Variants in SLC25A21 observed in about 807,000 individuals in gnomAD.
SLC25A21 encodes the protein mitochondrial 2-oxodicarboxylate carrier.
SLC25A21 carries 47 observed loss-of-function variants against 43.8 expected under a neutral mutation model. The ratio of observed to expected loss-of-function variants is 1.07; its 90% confidence interval spans 0.85 to 1.37. SLC25A21 has a LOEUF of 1.37. Ranked by LOEUF, SLC25A21 falls within the 40% of genes most tolerant of loss-of-function variation. The pLI, the probability that SLC25A21 is intolerant of heterozygous loss-of-function variation, is 0.00. For missense variants in SLC25A21, 352 were observed against 350.2 expected (o/e 1.00, Z -0.04); for synonymous variants, 131 against 121.3 (o/e 1.08, Z -0.52).
chr14:36,731,390 G>A (rs150753634), intron 4 of SLC25A21, among the ~76,000 whole-genome samples: 243 of 152,302 alleles, frequency 1.6e-3, no homozygotes, highest in Middle Eastern at 6.8e-3. Context: ...AGCTGTGAAA[G>A]CACAGGAAAG....
chr14:37,126,590 A>G (rs1963301703), intron 1 of SLC25A21, among the ~76,000 whole-genome samples: 1 of 152,136 alleles, frequency 6.6e-6, no homozygotes, highest in African/African-American at 2.4e-5. Flanking sequence ...GTATTTTTGC[A>G]TAATTATATA....
At chr14:37,166,942 T>A (rs771458659) in intron 1 of SLC25A21, among the ~76,000 whole-genome samples, 3 of 152,164 alleles carry the variant, frequency 2.0e-5, no homozygotes, top group Non-Finnish European at 4.4e-5. Context: ...GTCTTTCAGT[T>A]AAGAAAACCT....
chr14:36,834,213 C>A (rs557044151), intron 2 of SLC25A21, among the ~76,000 whole-genome samples: 1 of 152,316 alleles, frequency 6.6e-6, no homozygotes, highest in South Asian at 2.1e-4. Flanking sequence ...TTCTAAACTG[C>A]AACTAGGTAA....
chr14:37,014,168 GACA>G (rs1189052140), intron 1 of SLC25A21, among the ~76,000 whole-genome samples: 1 of 151,960 alleles, frequency 6.6e-6, no homozygotes. Flanking sequence ...TTTAAAATAA[GACA>G]ACAATTACTT....
intron 3 of SLC25A21, among the ~76,000 whole-genome samples, chr14:36,787,889 T>C (rs554488567): frequency 6.6e-6 from 1 of 152,332 alleles, no homozygotes; most frequent in East Asian, 1.9e-4. Context: ...TTTGCAAGCA[T>C]GCTTGTTTTA....
intron 3 of SLC25A21, among the ~76,000 whole-genome samples, chr14:36,761,350 C>A (rs1488953091): frequency 6.6e-6 from 1 of 152,234 alleles, no homozygotes; most frequent in Non-Finnish European, 1.5e-5. Flanking sequence ...CTTCAGGCCA[C>A]TTCCTCGAAG....
At chr14:36,898,077 T>C (rs1221435160) in intron 1 of SLC25A21, among the ~76,000 whole-genome samples, 1 of 152,188 alleles carries the variant, frequency 6.6e-6, no homozygotes, top group East Asian at 1.9e-4. Context: ...ACAGGGACAT[T>C]TAAGTCTGCA....
chr14:36,887,866 T>C lies in SLC25A21; in HGVS notation c.71-12862A>G, dbSNP rs1228653279. Among the ~76,000 whole-genome samples the C allele has an allele frequency of 3.3e-5, 5 of 152,292 alleles. No individual in the cohort carries two copies. In the South Asian group the frequency reaches 6.2e-4, roughly 19 times the overall value. ...GTTTTCCTTTCTTCTTTGATTTAAT[T>C]GCCTAAAAAGAAGCTCTCAGTTTGA... On this transcript the variant is annotated intron_variant, in intron 1 of 9. Coordinates refer to ENST00000331299, the MANE Select transcript of SLC25A21 (RefSeq NM_030631.4).
At chr14:36,957,513 TC>T (rs781546237) in intron 1 of SLC25A21, among the ~76,000 whole-genome samples, 11 of 152,164 alleles carry the variant, frequency 7.2e-5, no homozygotes, top group Non-Finnish European at 7.3e-5. Context: ...CCTCAGTTGA[TC>T]CCCATAGATC....
rs1882185431 is a variant in SLC25A21, at chr14:36,680,499, GT to G, written c.*158del. On this transcript the variant is annotated 3_prime_UTR_variant, in exon 10 of 10. Coordinates refer to ENST00000331299, the MANE Select transcript of SLC25A21 (RefSeq NM_030631.4). ...TATACAGCCAAAACTATAATCTCAA[GT>G]TGCCTATAGACATTTTTTAAAGTAT... is the stretch of plus-strand genomic sequence containing the variant. 1 of 1,260,088 alleles carries G rather than the reference GT, an allele frequency of 7.9e-7. No individual in the cohort carries two copies. The highest frequency in any genetic ancestry group is 1.0e-6 in the Non-Finnish European group (1 of 1,000,768). The allele number at this position is 1,260,088 out of a possible 1,614,324, so 78.1% of individuals were successfully genotyped here.
intron 1 of SLC25A21, among the ~76,000 whole-genome samples, chr14:37,026,736 T>C (rs1030221144): frequency 1.3e-5 from 2 of 152,168 alleles, no homozygotes; most frequent in African/African-American, 4.8e-5. Flanking sequence ...TATTTGACCA[T>C]GAAACTTTTA....
rs77942412 is a variant in SLC25A21, at chr14:36,753,881, G to T, written c.204-19308C>A. Among the ~76,000 whole-genome samples, 52 of 142,912 alleles carry T rather than the reference G, an allele frequency of 3.6e-4. No homozygotes were observed. In the East Asian group the frequency reaches 9.4e-3, roughly 26 times the overall value. The allele number at this position is 142,912 out of a possible 152,430, so 93.8% of individuals were successfully genotyped here. ...ATGGCAGGATCTCAGAACATTCAGGGTTTCCATACAATCTTGAGATGGCTC... is the reference window on the plus strand; with the variant it reads ...ATGGCAGGATCTCAGAACATTCAGGTTTTCCATACAATCTTGAGATGGCTC... On this transcript the variant is annotated intron_variant, in intron 3 of 9. Coordinates refer to ENST00000331299, the MANE Select transcript of SLC25A21 (RefSeq NM_030631.4).
intron 5 of SLC25A21, 128 bp from the exon 6 acceptor site, chr14:36,725,805 AT>A (rs1884582309): frequency 2.4e-6 from 1 of 410,450 alleles, no homozygotes; most frequent in East Asian, 4.1e-5. Context: ...AACGCACCAT[AT>A]TCCATTACTA....
intron 1 of SLC25A21, among the ~76,000 whole-genome samples, chr14:37,142,747 T>C (rs1420664251): frequency 6.6e-6 from 1 of 152,142 alleles, no homozygotes; most frequent in Non-Finnish European, 1.5e-5. Context: ...TAGGCAGATA[T>C]TAGAAATGTC....
chr14:36,931,734 GACATGGAGTTAGA>G (rs11266938), intron 1 of SLC25A21, among the ~76,000 whole-genome samples: 101,849 of 151,222 alleles, frequency 0.67, 34,751 homozygotes, highest in Admixed American at 0.71. Context: ...AAATTCAAAA[GACATGGAGTTAGA>G]ACATGGAGTT....
At chr14:36,777,025 C>T (rs1240877061) in intron 3 of SLC25A21, among the ~76,000 whole-genome samples, 1 of 152,082 alleles carries the variant, frequency 6.6e-6, no homozygotes, top group East Asian at 1.9e-4. Context: ...TCTGGGAGGC[C>T]GAGGTGGGCG....
intron 1 of SLC25A21, among the ~76,000 whole-genome samples, chr14:36,950,952 C>T (rs1392262636): frequency 1.3e-5 from 2 of 152,098 alleles, no homozygotes; most frequent in African/African-American, 2.4e-5. Context: ...GGCTCCCCTC[C>T]ACAACTGCTC....
intron 1 of SLC25A21, among the ~76,000 whole-genome samples, chr14:37,009,936 C>G (rs772672989): frequency 1.7e-4 from 26 of 152,096 alleles, no homozygotes; most frequent in Non-Finnish European, 2.5e-4. Flanking sequence ...AAAAGTGCCT[C>G]TAGAGCTCAA....
intron 1 of SLC25A21, among the ~76,000 whole-genome samples, chr14:37,037,913 G>T (rs1402897188): frequency 6.6e-6 from 1 of 152,110 alleles, no homozygotes; most frequent in Non-Finnish European, 1.5e-5. Context: ...TTGGGAAAAT[G>T]GTTCTGTATG....
Sources: allele counts gnomAD v4.1 joint callset (sites outside exome capture counted in the v4.1 genomes callset), GRCh38; gene constraint gnomAD v4.1.1; transcripts MANE v1.5; gene names NCBI Gene and HGNC (gene_info 2026-07-23, HGNC 2026-07-21).